Variants in PAPPA2 observed in about 807,000 individuals in gnomAD.
PAPPA2 encodes the protein pappalysin 2, also known as pappalysin-2.
A neutral mutation model predicts 176.4 loss-of-function variants in PAPPA2; 86 were observed. The ratio of observed to expected loss-of-function variants is 0.49; its 90% CI spans 0.41 to 0.58. PAPPA2 has a LOEUF of 0.58. Ranked by LOEUF, PAPPA2 falls within the 20% of genes least tolerant of loss-of-function variation. The pLI, the probability that PAPPA2 is intolerant of heterozygous loss-of-function variation, is 0.00. For missense variants in PAPPA2, 2,073 were observed against 2,256.9 expected (o/e 0.92, Z 1.65); for synonymous variants, 809 against 852.2 (o/e 0.95, Z 0.88).
chr1:176,666,571 G>A (rs955195676), intron 3 of PAPPA2, among the ~76,000 whole-genome samples: 51 of 95,270 alleles, frequency 5.4e-4, no homozygotes, highest in African/African-American at 3.2e-3. Flanking sequence ...ATGTGTGTGT[G>A]TGTGTGTGTG....
chr1:176,628,029 G>A (rs1656125954), intron 3 of PAPPA2, among the ~76,000 whole-genome samples: 1 of 152,086 alleles, frequency 6.6e-6, no homozygotes, highest in South Asian at 2.1e-4. Context: ...AAATGTAGTA[G>A]GATCTGGACT....
intron 12 of PAPPA2, among the ~76,000 whole-genome samples, chr1:176,712,426 A>G (rs1661189120): frequency 6.6e-6 from 1 of 152,138 alleles, no homozygotes; most frequent in African/African-American, 2.4e-5. Flanking sequence ...AATTTATAGG[A>G]AAACACTTTA....
intron 6 of PAPPA2, among the ~76,000 whole-genome samples, chr1:176,693,322 A>G (rs12124804): frequency 0.24 from 36,433 of 152,240 alleles, 4,479 homozygotes; most frequent in South Asian, 0.33. Context: ...ATTCTGAGGC[A>G]TAGAGAAACA....
At chr1:176,641,653 C>G (rs998355423) in intron 3 of PAPPA2, among the ~76,000 whole-genome samples, 1 of 151,716 alleles carries the variant, frequency 6.6e-6, no homozygotes, top group Non-Finnish European at 1.5e-5. Context: ...TTTGGGTTTA[C>G]TTAGTATAGG....
At chr1:176,686,439 C>T (rs924551536) in intron 4 of PAPPA2, among the ~76,000 whole-genome samples, 1 of 152,136 alleles carries the variant, frequency 6.6e-6, no homozygotes, top group African/African-American at 2.4e-5. Context: ...TCCACCTGGT[C>T]CCACTCTTGA....
At chr1:176,488,763 T>G (rs1285926572) in intron 1 of PAPPA2, among the ~76,000 whole-genome samples, 2 of 151,984 alleles carry the variant, frequency 1.3e-5, no homozygotes, top group Non-Finnish European at 2.9e-5. Context: ...GACGCAAAGG[T>G]TTGGTTCCTC....
chr1:176,618,100 A>AG, intron 3 of PAPPA2, among the ~76,000 whole-genome samples: 2 of 152,222 alleles, frequency 1.3e-5, no homozygotes, highest in African/African-American at 4.8e-5. Flanking sequence ...GTTAAGTTGC[A>AG]TCATGAAAGA....
chr1:176,742,887 G>A (rs1321137789), intron 14 of PAPPA2, among the ~76,000 whole-genome samples: 1 of 152,116 alleles, frequency 6.6e-6, no homozygotes, highest in Non-Finnish European at 1.5e-5. Flanking sequence ...CCTGCCAGTA[G>A]AATATGTGTT....
intron 1 of PAPPA2, among the ~76,000 whole-genome samples, chr1:176,547,458 G>A (rs1475168508): frequency 2.0e-5 from 3 of 152,226 alleles, no homozygotes; most frequent in African/African-American, 4.8e-5. Context: ...GACTATCCTT[G>A]TGTGAGGAGT....
intron 1 of PAPPA2, among the ~76,000 whole-genome samples, chr1:176,528,122 A>G (rs1649596885): frequency 6.6e-6 from 1 of 152,156 alleles, no homozygotes; most frequent in African/African-American, 2.4e-5. Context: ...TGGACCCTGC[A>G]TTCAAATGGG....
Position 176,774,410 on chromosome 1 carries a change from T to G in PAPPA2, c.4715+3230T>G, listed in dbSNP as rs1287908367. Among the ~76,000 whole-genome samples, 4 of 152,278 alleles carry G rather than the reference T, an allele frequency of 2.6e-5. No individual in the cohort carries two copies. In the South Asian group the frequency reaches 6.2e-4, roughly 24 times the overall value. On this transcript the variant is annotated intron_variant, in intron 17 of 22. Transcript: ENST00000367662. ...CTTAACTATGCAAAACAGAGCCTAT[T>G]ATAATTCCTTTCAAATATGCATATC...
At chr1:176,502,430 A>AT (rs1648020647) in intron 1 of PAPPA2, among the ~76,000 whole-genome samples, 1 of 152,188 alleles carries the variant, frequency 6.6e-6, no homozygotes, top group East Asian at 1.9e-4. Context: ...GGCTAATGCA[A>AT]TTGATATGAT....
chr1:176,696,006 GTT>G, intron 7 of PAPPA2, 147 bp downstream of exon 7: 1 of 987,344 alleles, frequency 1.0e-6, no homozygotes, highest in Non-Finnish European at 1.5e-6. Context: ...GTGTGTGTGT[GTT>G]TTGCTGGATA....
At chr1:176,737,517 G>A (rs1356226458) in intron 12 of PAPPA2, among the ~76,000 whole-genome samples, 2 of 152,062 alleles carry the variant, frequency 1.3e-5, no homozygotes, top group African/African-American at 4.8e-5. Flanking sequence ...ACTGTGAAAG[G>A]AAATGCCCAA....
chr1:176,760,214 GT>G (rs927267322), intron 14 of PAPPA2, among the ~76,000 whole-genome samples: 1 of 152,068 alleles, frequency 6.6e-6, no homozygotes, highest in African/African-American at 2.4e-5. Flanking sequence ...TGATTTAATT[GT>G]TTTTTTCTCT....
At chr1:176,793,073 C>CCCACCA (rs1030174804) in intron 19 of PAPPA2, among the ~76,000 whole-genome samples, 2 of 152,032 alleles carry the variant, frequency 1.3e-5, no homozygotes, top group African/African-American at 4.8e-5. Flanking sequence ...TTTCCCGCCA[C>CCCACCA]CCACCACCAC....
At chr1:176,537,961 C>T (rs958849980) in intron 1 of PAPPA2, among the ~76,000 whole-genome samples, 1 of 152,062 alleles carries the variant, frequency 6.6e-6, no homozygotes, top group Admixed American at 6.6e-5. Context: ...TGAATCCAAC[C>T]ATTCAGCCAG....
intron 12 of PAPPA2, among the ~76,000 whole-genome samples, chr1:176,728,890 T>C (rs1310269019): frequency 6.6e-6 from 1 of 152,072 alleles, no homozygotes; most frequent in East Asian, 1.9e-4. Flanking sequence ...GTACATCATT[T>C]CCACATATTG....
At chr1:176,613,700 T>G (rs995600691) in intron 3 of PAPPA2, among the ~76,000 whole-genome samples, 2 of 152,146 alleles carry the variant, frequency 1.3e-5, no homozygotes, top group African/African-American at 4.8e-5. Flanking sequence ...CATCTAGTTT[T>G]ACATAAAATA....
Sources: allele counts gnomAD v4.1 joint callset (sites outside exome capture counted in the v4.1 genomes callset), GRCh38; gene constraint gnomAD v4.1.1; transcripts MANE v1.5; gene names NCBI Gene and HGNC (gene_info 2026-07-23, HGNC 2026-07-21).